Variants in OTUD4 observed in about 807,000 individuals in gnomAD.
OTUD4 encodes OTU domain-containing protein 4.
In OTUD4, 24 loss-of-function variants were observed where a neutral mutation model predicts 130.4. The observed-to-expected ratio is 0.18, with a 90% CI of 0.13 to 0.26. OTUD4 has a LOEUF of 0.26. Among genes scored for constraint, OTUD4 ranks in the 10% least tolerant of loss-of-function variants. The pLI is 1.00. For missense variants in OTUD4, 1,031 were observed against 1,329.4 expected (o/e 0.78, Z 3.49); for synonymous variants, 420 against 472.5 (o/e 0.89, Z 1.44).
In OTUD4 at chr4:145,137,165, TAACA is replaced by T. The variant is rs1750313586; in HGVS notation, c.*261_*264del. On this transcript the variant is annotated 3_prime_UTR_variant, in exon 21 of 21. Transcript: ENST00000447906. Reference sequence around the variant, plus strand: ...ATTAAGCTGTTTATAAAAAATACTTTAACAAACTTATCTTCTACTTTTTACGGGG... The same window carrying T: ...ATTAAGCTGTTTATAAAAAATACTTTAACTTATCTTCTACTTTTTACGGGG... 8.8e-6 allele frequency: 3 copies of T among 340,310 alleles called. No individual in the cohort carries two copies. The highest frequency in any genetic ancestry group is 4.4e-5 in the Admixed American group (1 of 22,668). The allele number at this position is 340,310 out of a possible 1,614,324, so 21.1% of individuals were successfully genotyped here.
Position 145,143,349 on chromosome 4 carries a change from G to GC in OTUD4, c.1683+15dup, listed in dbSNP as rs1560979102. On this transcript the variant is annotated intron_variant, in intron 17 of 20. Coordinates refer to ENST00000447906, the MANE Select transcript of OTUD4 (RefSeq NM_001366057.1). ...GAGAGTGGAGCATTCAATGTTAAATGCAACAATATACTTACTTGTTCCGCA... is the reference window on the plus strand; with the variant it reads ...GAGAGTGGAGCATTCAATGTTAAATGCCAACAATATACTTACTTGTTCCGCA... 1 of 1,526,458 alleles carries GC rather than the reference G, an allele frequency of 6.6e-7. No individual in the cohort carries two copies. The highest frequency in any genetic ancestry group is 1.7e-5 in the Admixed American group (1 of 59,490). 94.6% of individuals were successfully genotyped at this position (1,526,458 alleles called of 1,614,324 possible).
chr4:145,162,207 A>G (rs991145778), intron 6 of OTUD4, among the ~76,000 whole-genome samples: 1 of 152,262 alleles, frequency 6.6e-6, no homozygotes, highest in African/African-American at 2.4e-5. Context: ...GTTCTTGGAC[A>G]TATCTTTTAT....
intron 1 of OTUD4, among the ~76,000 whole-genome samples, chr4:145,177,251 C>A (rs748165306): frequency 1.3e-5 from 2 of 152,194 alleles, no homozygotes; most frequent in African/African-American, 2.4e-5. Context: ...AGGTGGCAAA[C>A]ATAAGTTAGT....
chr4:145,140,575 T>C (rs1423459347), intron 19 of OTUD4, among the ~76,000 whole-genome samples: 1 of 152,130 alleles, frequency 6.6e-6, no homozygotes, highest in African/African-American at 2.4e-5. Context: ...AGGTGTAAAT[T>C]CCTTAAAAAT....
At chr4:145,153,240 A>C (rs1247012142) in intron 10 of OTUD4, among the ~76,000 whole-genome samples, 1 of 152,228 alleles carries the variant, frequency 6.6e-6, no homozygotes, top group Non-Finnish European at 1.5e-5. Context: ...GTAGGAGCAC[A>C]ATATGTTAAG....
At position 145,155,427 on chromosome 4, in the gene OTUD4, A is replaced by G. The variant is rs1751238874; in HGVS notation, c.857T>C (p.Val286Ala). The change falls in exon 10 of 21, where the codon GTT (valine) becomes GCT (alanine). Residue 286 changes from valine (V) to alanine (A), a missense_variant. Coordinates refer to ENST00000447906, the MANE Select transcript of OTUD4 (RefSeq NM_001366057.1). Reference sequence around the variant, plus strand: ...GTCACTTACTTGACATTTGTCTCCAACTTCATATTGTAAGCCAGCAGCAAT... The same window carrying G: ...GTCACTTACTTGACATTTGTCTCCAGCTTCATATTGTAAGCCAGCAGCAAT... ...YSIAAGLQYE[V>A]GDKCQVRLDH... The G allele has an allele frequency of 1.2e-6, 2 of 1,610,924 alleles. No homozygotes were observed. Among genetic ancestry groups the G allele is most frequent in the Non-Finnish European group, 1.7e-6 (2 of 1,179,094 alleles).
intron 13 of OTUD4, among the ~76,000 whole-genome samples, chr4:145,147,768 C>T (rs184461103): frequency 1.3e-5 from 2 of 152,162 alleles, no homozygotes; most frequent in African/African-American, 2.4e-5. Context: ...ATATCCAGCA[C>T]TACGGTTCTC....
intron 1 of OTUD4, among the ~76,000 whole-genome samples, chr4:145,176,342 T>C (rs1206546698): frequency 1.3e-5 from 2 of 151,790 alleles, no homozygotes; most frequent in Non-Finnish European, 2.9e-5. Context: ...CATTTCAAAC[T>C]ACCATCAAGG....
intron 1 of OTUD4, 152 bp downstream of exon 1, chr4:145,179,663 C>G: frequency 7.1e-7 from 1 of 1,405,328 alleles, no homozygotes; most frequent in Non-Finnish European, 9.2e-7. Context: ...CAGCGTCCCA[C>G]TCCGGCGTTA....
chr4:145,162,244 C>T (rs1474128853), intron 6 of OTUD4, among the ~76,000 whole-genome samples: 3 of 152,106 alleles, frequency 2.0e-5, no homozygotes, highest in Non-Finnish European at 4.4e-5. Context: ...ATTATTTGCT[C>T]TGATTTGTTT....
chr4:145,157,718 T>C (rs1040608260), intron 7 of OTUD4, among the ~76,000 whole-genome samples: 4 of 145,138 alleles, frequency 2.8e-5, no homozygotes, highest in Admixed American at 2.7e-4. Flanking sequence ...GAAATTTTAA[T>C]AATGCAATAG....
At chr4:145,139,409 C>T (rs1750450283) in intron 20 of OTUD4, among the ~76,000 whole-genome samples, 1 of 152,174 alleles carries the variant, frequency 6.6e-6, no homozygotes, top group Admixed American at 6.5e-5. Flanking sequence ...CAGAGTTCTC[C>T]AACCTAAGAA....
chr4:145,161,201 C>G (rs939827509), intron 6 of OTUD4, among the ~76,000 whole-genome samples: 3 of 152,134 alleles, frequency 2.0e-5, no homozygotes, highest in South Asian at 4.1e-4. Flanking sequence ...TATAGACCAT[C>G]TTTCTTCCAG....
In OTUD4 at chr4:145,138,668, A is replaced by G; in HGVS notation, c.2125-18T>C. The G allele has an allele frequency of 6.4e-7, 1 of 1,572,816 alleles. No homozygotes were observed. The highest frequency in any genetic ancestry group is 8.6e-7 in the Non-Finnish European group (1 of 1,164,182). On this transcript the variant is annotated intron_variant, in intron 20 of 20. Transcript: ENST00000447906. ...CTGTATGCCTGAAGAGACAAAAAAC[A>G]GTTAAATAAACAAAAGAGGAGAAAA...
chr4:145,149,590 T>G (rs1475748515), intron 13 of OTUD4: 4 of 152,054 alleles, frequency 2.6e-5, no homozygotes, highest in African/African-American at 9.7e-5. Flanking sequence ...GAACAAGGAG[T>G]TTGATCTGTA....
At chr4:145,152,211 AAGCGATTCT>A (rs1211700833) in intron 11 of OTUD4, among the ~76,000 whole-genome samples, 1 of 152,064 alleles carries the variant, frequency 6.6e-6, no homozygotes, top group African/African-American at 2.4e-5. Context: ...TCCCTGATTC[AAGCGATTCT>A]CCTCCCTCAG....
chr4:145,140,150 AC>A (rs1287152370), intron 19 of OTUD4, among the ~76,000 whole-genome samples, 159 bp from the exon 20 acceptor site: 1 of 152,154 alleles, frequency 6.6e-6, no homozygotes, highest in Non-Finnish European at 1.5e-5. Flanking sequence ...ATATAACACA[AC>A]CCAAAAACAG....
chr4:145,152,400 C>A (rs988462021), intron 11 of OTUD4, 141 bp downstream of exon 11: 1 of 576,818 alleles, frequency 1.7e-6, no homozygotes, highest in Non-Finnish European at 3.1e-6. Context: ...CATGAGCCAC[C>A]GTCCCTGGCC....
chr4:145,138,722 C>A lies in OTUD4; in HGVS notation c.2125-72G>T, dbSNP rs574378019. 4.9e-5 allele frequency: 67 copies of A among 1,375,596 alleles called. No homozygotes were observed. The South Asian group carries it at 9.0e-4, about 19-fold the overall frequency. The allele number at this position is 1,375,596 out of a possible 1,614,324, so 85.2% of individuals were successfully genotyped here. A position where few individuals can be genotyped will look rare whatever the true frequency, so the allele number is the denominator to read the frequency against. ...AGAGGTTTGGGTGGATATCAATCTA[C>A]AAGTACTAGGGTCAAAATAAGTTTC... On this transcript the variant is annotated intron_variant, in intron 20 of 20. Transcript: ENST00000447906.
Sources: allele counts gnomAD v4.1 joint callset (sites outside exome capture counted in the v4.1 genomes callset), GRCh38; gene constraint gnomAD v4.1.1; transcripts MANE v1.5; gene names NCBI Gene and HGNC (gene_info 2026-07-23, HGNC 2026-07-21).